Variants in ANK2 observed in about 807,000 individuals in gnomAD.
The protein encoded by ANK2 is ankyrin-2.
A neutral mutation model predicts 360.5 loss-of-function variants in ANK2; 83 were observed. The ratio of observed to expected loss-of-function variants is 0.23; its 90% CI spans 0.19 to 0.28. ANK2 has a LOEUF of 0.28. Ranked by LOEUF, ANK2 falls within the 10% of genes least tolerant of loss-of-function variation. The pLI is 1.00. For synonymous variants in ANK2, 1,740 were observed against 1,759.5 expected (o/e 0.99, Z 0.28); for missense variants, 4,201 against 4,795.7 (o/e 0.88, Z 3.66).
At chr4:113,172,646 C>G (rs1176847261) in intron 1 of ANK2, among the ~76,000 whole-genome samples, 2 of 152,032 alleles carry the variant, frequency 1.3e-5, no homozygotes, top group Non-Finnish European at 2.9e-5. Context: ...GAAGTACTTT[C>G]TAGGAACAAC....
intron 1 of ANK2, among the ~76,000 whole-genome samples, chr4:112,897,613 A>G (rs965957818): frequency 6.6e-6 from 1 of 151,440 alleles, no homozygotes; most frequent in African/African-American, 2.5e-5. Context: ...AAAAATATCC[A>G]TGGCACTGAT....
At chr4:112,844,318 T>C (rs1037273175) in intron 1 of ANK2, among the ~76,000 whole-genome samples, 1 of 152,240 alleles carries the variant, frequency 6.6e-6, no homozygotes. Flanking sequence ...GATAAGACTT[T>C]CTTTGCACCT....
intron 22 of ANK2, among the ~76,000 whole-genome samples, chr4:113,301,901 A>G (rs1439845153): frequency 6.6e-6 from 1 of 152,240 alleles, no homozygotes; most frequent in African/African-American, 2.4e-5. Flanking sequence ...ATACTGAGTT[A>G]CAATAATCAT....
At chr4:112,868,688 T>G (rs950102741) in intron 1 of ANK2, among the ~76,000 whole-genome samples, 3 of 152,224 alleles carry the variant, frequency 2.0e-5, no homozygotes, top group Non-Finnish European at 4.4e-5. Context: ...TAACTCTATA[T>G]TTGTTTCATT....
At chr4:113,352,858 T>C (rs2095504271) in intron 37 of ANK2, among the ~76,000 whole-genome samples, 187 bp from the exon 38 acceptor site, 1 of 152,138 alleles carries the variant, frequency 6.6e-6, no homozygotes, top group Non-Finnish European at 1.5e-5. Context: ...TTGTTTTTTT[T>C]TTCGTTAGCC....
Position 112,927,882 on chromosome 4 carries a change from C to A in ANK2, c.21+23368C>A, listed in dbSNP as rs368380903. On this transcript the variant is annotated intron_variant, in intron 2 of 30. Coordinates refer to the ANK2 transcript ENST00000503271. ...AGATATTCTCTTTTGCTTTCTAGAC[C>A]AATTAACTTTCTCATACTGAATAAC... is the stretch of plus-strand genomic sequence containing the variant. Among the ~76,000 whole-genome samples the A allele has an allele frequency of 5.3e-5, 8 of 152,150 alleles. No individual in the cohort carries two copies. The East Asian group carries it at 1.5e-3, about 29-fold the overall frequency.
chr4:112,804,049 C>T, the ANK2 span, among the ~76,000 whole-genome samples: 5 of 148,872 alleles, frequency 3.4e-5, no homozygotes, highest in South Asian at 2.1e-4. Context: ...GATGGAGTCT[C>T]GCTCTGTCAC....
chr4:112,763,581 G>A, the ANK2 span, among the ~76,000 whole-genome samples: 1 of 146,142 alleles, frequency 6.8e-6, no homozygotes, highest in African/African-American at 2.5e-5. Context: ...TGCCCAGGCT[G>A]GAGTGCAGTG....
rs1360930372 is a variant in ANK2, at chr4:113,382,596, T to C, written c.*1125T>C. On this transcript the variant is annotated 3_prime_UTR_variant, in exon 46 of 46. Transcript: ENST00000357077. ...CAAGATTTACCCACTACATAAAAGG[T>C]TAAACTCCTTCAGTATGTTGGAGTG... 3 of 152,670 alleles carry C rather than the reference T, an allele frequency of 2.0e-5. No homozygotes were observed. The highest frequency in any genetic ancestry group is 7.2e-5 in the African/African-American group (3 of 41,466). 9.5% of individuals were successfully genotyped at this position (152,670 alleles called of 1,614,324 possible). A position where few individuals can be genotyped will look rare whatever the true frequency, so the allele number is the denominator to read the frequency against.
At chr4:112,981,401 G>A (rs1561394787) in intron 2 of ANK2, among the ~76,000 whole-genome samples, 1 of 152,184 alleles carries the variant, frequency 6.6e-6, no homozygotes, top group Non-Finnish European at 1.5e-5. Flanking sequence ...GGAGAGAAGC[G>A]GATTGAGAAC....
intron 2 of ANK2, among the ~76,000 whole-genome samples, chr4:113,186,434 G>A (rs141479464): frequency 0.021 from 3,220 of 152,104 alleles, 53 homozygotes; most frequent in Non-Finnish European, 0.029. Context: ...GTAAATACAC[G>A]AAGATGAAGA....
At chr4:113,061,942 T>TAA (rs1409655975) in intron 1 of ANK2, among the ~76,000 whole-genome samples, 1 of 152,150 alleles carries the variant, frequency 6.6e-6, no homozygotes, top group Non-Finnish European at 1.5e-5. Context: ...ATTGCATGCC[T>TAA]GTATCAAAAT....
At chr4:112,972,225 G>GTT (rs1464776169) in intron 2 of ANK2, among the ~76,000 whole-genome samples, 28 of 152,172 alleles carry the variant, frequency 1.8e-4, no homozygotes, top group Middle Eastern at 3.4e-3. Context: ...TGTACAGAAT[G>GTT]TGCAGGTTTG....
intron 10 of ANK2, 71 bp downstream of exon 10, chr4:113,249,933 T>C: frequency 7.2e-7 from 1 of 1,397,350 alleles, no homozygotes; most frequent in Non-Finnish European, 1.0e-6. Flanking sequence ...TCTATTCTTT[T>C]TTAAATTGAA....
chr4:113,278,408 G>C (rs2153700415), intron 16 of ANK2, 52 bp from the exon 17 acceptor site: 3 of 1,495,180 alleles, frequency 2.0e-6, no homozygotes, highest in Middle Eastern at 1.7e-4. Flanking sequence ...GGTAGCTTCA[G>C]GGCAGCTAAC....
At chr4:113,166,262 T>C (rs2097753820) in intron 1 of ANK2, among the ~76,000 whole-genome samples, 1 of 152,150 alleles carries the variant, frequency 6.6e-6, no homozygotes, top group Admixed American at 6.5e-5. Context: ...AACATTTTAG[T>C]AACTGGCATA....
intron 2 of ANK2, among the ~76,000 whole-genome samples, chr4:113,028,004 T>C (rs1336298521): frequency 2.0e-5 from 3 of 152,178 alleles, no homozygotes; most frequent in Non-Finnish European, 4.4e-5. Flanking sequence ...TCAAATATTC[T>C]TCTACTCTGG....
intron 7 of ANK2, among the ~76,000 whole-genome samples, chr4:113,239,496 A>C (rs2099408471): frequency 6.6e-6 from 1 of 152,274 alleles, no homozygotes; most frequent in East Asian, 1.9e-4. Context: ...GTGATAGCCA[A>C]ATAACAGTTT....
intron 24 of ANK2, among the ~76,000 whole-genome samples, chr4:113,312,371 G>A (rs557064823): frequency 2.0e-5 from 3 of 152,174 alleles, no homozygotes; most frequent in Admixed American, 6.5e-5. Flanking sequence ...TTTAAAGTTG[G>A]CACTATTGTA....
Sources: allele counts gnomAD v4.1 joint callset (sites outside exome capture counted in the v4.1 genomes callset), GRCh38; gene constraint gnomAD v4.1.1; transcripts MANE v1.5; gene names NCBI Gene and HGNC (gene_info 2026-07-23, HGNC 2026-07-21).